Variants in NID2 observed in about 807,000 individuals in gnomAD.
NID2 encodes nidogen 2, also known as nidogen-2.
In NID2, 83 loss-of-function variants were observed where a neutral mutation model predicts 145.4. That is an observed-to-expected ratio of 0.57 (90% CI 0.48 to 0.69). NID2 has a LOEUF of 0.69. Among genes scored for constraint, NID2 ranks in the 30% least tolerant of loss-of-function variants. The pLI, the probability that NID2 is intolerant of heterozygous loss-of-function variation, is 0.00. For synonymous variants in NID2, 739 were observed against 701.3 expected (o/e 1.05, Z -0.85); for missense variants, 1,807 against 1,765.7 (o/e 1.02, Z -0.42).
intron 16 of NID2, among the ~76,000 whole-genome samples, chr14:52,013,948 T>G (rs951225750): frequency 6.6e-6 from 1 of 152,270 alleles, no homozygotes; most frequent in African/African-American, 2.4e-5. Flanking sequence ...GGAGATGTTA[T>G]GACATACAAC....
chr14:52,005,289 A>AT lies in NID2; in HGVS notation c.*196dup, dbSNP rs921781035. ...TTTTAAACTTGCAATAACAACCTTCATTTTTAAAAATACAGTAGTAAAGAT... is the reference window on the plus strand; with the variant it reads ...TTTTAAACTTGCAATAACAACCTTCATTTTTTAAAAATACAGTAGTAAAGAT... On this transcript the variant is annotated 3_prime_UTR_variant, in exon 22 of 22. Coordinates refer to ENST00000216286, the MANE Select transcript of NID2 (RefSeq NM_007361.4). 7.1e-6 allele frequency: 3 copies of AT among 424,272 alleles called. No homozygotes were observed. Among genetic ancestry groups the AT allele is most frequent in the African/African-American group, 2.0e-5 (1 of 48,934 alleles). 26.3% of individuals were successfully genotyped at this position (424,272 alleles called of 1,614,324 possible).
At chr14:52,010,591 A>G (rs905519753) in intron 18 of NID2, 1 of 274,452 alleles carries the variant, frequency 3.6e-6, no homozygotes, top group African/African-American at 2.1e-5. Flanking sequence ...GAGTAGCCCT[A>G]GTTCTCACAA....
intron 9 of NID2, among the ~76,000 whole-genome samples, chr14:52,033,991 T>TA (rs1891968657): frequency 6.6e-6 from 1 of 152,120 alleles, no homozygotes; most frequent in African/African-American, 2.4e-5. Context: ...TCATCATCTG[T>TA]AAAATGGGAT....
chr14:52,042,450 T>G, intron 6 of NID2, 100 bp from the exon 7 acceptor site: 1 of 1,382,854 alleles, frequency 7.2e-7, no homozygotes, highest in African/African-American at 1.4e-5. Context: ...AAACTCACTC[T>G]TTAGCAAGTC....
chr14:52,015,009 G>A, intron 15 of NID2, 45 bp downstream of exon 15: 1 of 1,510,410 alleles, frequency 6.6e-7, no homozygotes, highest in Non-Finnish European at 9.1e-7. Flanking sequence ...CCCTAGCAAA[G>A]GCCTTAGATA....
At chr14:52,063,497 A>C (rs1330894527) in intron 2 of NID2, among the ~76,000 whole-genome samples, 1 of 152,246 alleles carries the variant, frequency 6.6e-6, no homozygotes, top group African/African-American at 2.4e-5. Flanking sequence ...AGGCTGATGC[A>C]TGCAACATAC....
At position 52,038,744 on chromosome 14, in the gene NID2, T is replaced by C; in HGVS notation, c.2257+3A>G. 1 of 1,552,016 alleles carries C rather than the reference T, an allele frequency of 6.4e-7. No homozygotes were observed. The highest frequency in any genetic ancestry group is 8.7e-7 in the Non-Finnish European group (1 of 1,151,738). ...TACCCAACAACAAAAAAGGAAACCTTACCTTTGACCGGGCCAATTTGATTG... is the reference window on the plus strand; with the variant it reads ...TACCCAACAACAAAAAAGGAAACCTCACCTTTGACCGGGCCAATTTGATTG... On this transcript the variant is annotated splice_donor_region_variant and intron_variant, in intron 9 of 21. Coordinates refer to ENST00000216286, the MANE Select transcript of NID2 (RefSeq NM_007361.4).
chr14:52,035,558 C>CA (rs1209885534), intron 9 of NID2, among the ~76,000 whole-genome samples: 1 of 152,170 alleles, frequency 6.6e-6, no homozygotes, highest in Non-Finnish European at 1.5e-5. Context: ...ACTCTGGCCT[C>CA]AAACTCCTGG....
Position 52,019,980 on chromosome 14 carries a change from C to T in NID2, c.2794+79G>A, listed in dbSNP as rs1186812876. On this transcript the variant is annotated intron_variant, in intron 13 of 21. Coordinates refer to ENST00000216286, the MANE Select transcript of NID2 (RefSeq NM_007361.4). ...ACCAAGGCTCCAGACCAGGCTAAAT[C>T]AAGAGTGGGCTGTCATAGAAAAATA... is the stretch of plus-strand genomic sequence containing the variant. 4 of 1,564,374 alleles carry T rather than the reference C, an allele frequency of 2.6e-6. No individual in the cohort carries two copies. The African/African-American group carries it at 4.1e-5, about 16-fold the overall frequency.
At chr14:52,053,532 G>A (rs1892743753) in intron 5 of NID2, 47 bp downstream of exon 5, 2 of 1,555,560 alleles carry the variant, frequency 1.3e-6, no homozygotes, top group Non-Finnish European at 1.7e-6. Flanking sequence ...TGCAAAACCA[G>A]CATGGTTAAG....
At chr14:52,026,857 A>G (rs183576692) in intron 12 of NID2, among the ~76,000 whole-genome samples, 345 of 152,366 alleles carry the variant, frequency 2.3e-3, no homozygotes, top group African/African-American at 7.5e-3. Context: ...GAGCACAACC[A>G]TAAGTGTTGA....
At chr14:52,061,006 G>A (rs771570870) in intron 2 of NID2, among the ~76,000 whole-genome samples, 2 of 152,160 alleles carry the variant, frequency 1.3e-5, no homozygotes, top group Non-Finnish European at 2.9e-5. Flanking sequence ...ATGTGGTGGT[G>A]GGCCAGCCAG....
chr14:52,054,388 A>G (rs1467393767), intron 3 of NID2, 67 bp from the exon 4 acceptor site: 3 of 1,462,154 alleles, frequency 2.1e-6, no homozygotes, highest in Non-Finnish European at 2.8e-6. Flanking sequence ...ACCTTCCTAG[A>G]AGGTGAACAA....
chr14:52,035,866 A>ATGTATG (rs765532906), intron 9 of NID2, among the ~76,000 whole-genome samples: 26 of 136,556 alleles, frequency 1.9e-4, no homozygotes, highest in African/African-American at 6.3e-4. Flanking sequence ...GTATATATAT[A>ATGTATG]TATATATATA....
chr14:52,018,866 TGTCATGTATTG>T (rs1891305240), intron 14 of NID2, among the ~76,000 whole-genome samples, 184 bp downstream of exon 14: 1 of 152,244 alleles, frequency 6.6e-6, no homozygotes, highest in South Asian at 2.1e-4. Flanking sequence ...AGATCATATG[TGTCATGTATTG>T]CATATCTCTA....
In NID2 at chr14:52,020,086, A is replaced by G; in HGVS notation, c.2767T>C (p.Tyr923His). 1 of 1,614,034 alleles carries G rather than the reference A, an allele frequency of 6.2e-7. No individual in the cohort carries two copies. Among genetic ancestry groups the G allele is most frequent in the Non-Finnish European group, 8.5e-7 (1 of 1,179,924 alleles). ...SFSCRCQPGYYGDGFQCIPDS... is the reference protein window; with the variant it reads ...SFSCRCQPGYHGDGFQCIPDS... ...GGTATGCACTGAAATCCATCCCCAT[A>G]ATATCCGGGTTGACAACGGCAGGAG... is the stretch of plus-strand genomic sequence containing the variant. The change falls in exon 13 of 22, where the codon TAT becomes CAT. Residue 923 changes from tyrosine to histidine, a missense_variant. By Grantham distance (83) the Tyr-to-His change is moderately conservative. Coordinates refer to ENST00000216286, the MANE Select transcript of NID2 (RefSeq NM_007361.4).
chr14:52,043,151 T>C (rs1444181193), intron 5 of NID2, among the ~76,000 whole-genome samples: 1 of 152,070 alleles, frequency 6.6e-6, no homozygotes. Flanking sequence ...CATTGCAGAG[T>C]TGGTGAACTA....
intron 15 of NID2, 44 bp downstream of exon 15, chr14:52,015,010 G>T (rs1206616863): frequency 2.0e-6 from 3 of 1,514,874 alleles, no homozygotes; most frequent in African/African-American, 2.7e-5. Flanking sequence ...CCTAGCAAAG[G>T]CCTTAGATAC....
At chr14:52,009,323 A>G (rs1213967249) in intron 18 of NID2, 2 of 152,252 alleles carry the variant, frequency 1.3e-5, no homozygotes, top group East Asian at 3.8e-4. Flanking sequence ...AGTCTGAAAC[A>G]AGCTCACACA....
Sources: gnomAD v4.1 joint callset for allele counts (sites outside exome capture counted in the v4.1 genomes callset) on GRCh38, gnomAD v4.1.1 for gene constraint, MANE v1.5 for transcripts, NCBI Gene and HGNC (gene_info 2026-07-23, HGNC 2026-07-21) for gene names.